ALOXE3: variants seen among roughly 807,000 people sequenced by gnomAD.
ALOXE3 encodes arachidonate epidermal lipoxygenase 3.
A neutral mutation model predicts 87.5 loss-of-function variants in ALOXE3; 78 were observed. The ratio of observed to expected loss-of-function variants is 0.89; its 90% CI spans 0.74 to 1.08. The LOEUF (loss-of-function observed/expected upper bound fraction) is 1.08. Among genes scored for constraint, ALOXE3 ranks in the 50% least tolerant of loss-of-function variants. The pLI is 0.00. For synonymous variants in ALOXE3, 363 were observed against 370.8 expected (o/e 0.98, Z 0.24); for missense variants, 946 against 912.4 (o/e 1.04, Z -0.47).
At chr17:8,103,732 G>A (rs565198979) in intron 14 of ALOXE3, among the ~76,000 whole-genome samples, 23 of 151,970 alleles carry the variant, frequency 1.5e-4, no homozygotes, top group South Asian at 4.2e-4. Context: ...GTCACTCCCC[G>A]CCCAGTGTTC....
At position 8,098,011 on chromosome 17, in the gene ALOXE3, T is replaced by G. The variant is rs189790011; in HGVS notation, c.1957-1205A>C. Among the ~76,000 whole-genome samples, 987 of 152,148 alleles carry G rather than the reference T, an allele frequency of 6.5e-3. 12 individuals carry two copies. The highest frequency in any genetic ancestry group is 0.022 in the African/African-American group (907 of 41,512). ...ATCTGCCCGCCTCGGCCTCCCAAAG[T>G]GCTGGGATTACAGATGTGAGCCACC... On this transcript the variant is annotated intron_variant, in intron 15 of 15. Transcript: ENST00000448843.
intron 12 of ALOXE3, 96 bp downstream of exon 12, chr17:8,109,078 A>T: frequency 6.5e-7 from 1 of 1,548,152 alleles, no homozygotes. Flanking sequence ...GGGTGTGAAA[A>T]CACCTGAAAT....
chr17:8,100,062 A>G (rs1187549989), intron 15 of ALOXE3, among the ~76,000 whole-genome samples: 1 of 149,950 alleles, frequency 6.7e-6, no homozygotes, highest in African/African-American at 2.4e-5. Context: ...TCTGGAGTTG[A>G]CCAGGCTTTT....
intron 13 of ALOXE3, among the ~76,000 whole-genome samples, chr17:8,107,858 A>G (rs1192771127): frequency 0.13 from 443 of 3,470 alleles, 46 homozygotes; most frequent in Admixed American, 0.19. Flanking sequence ...AGAAAGAAAG[A>G]AAGAAAGAAA....
rs373508321 is a variant in ALOXE3 at position 8,105,479 on chromosome 17, G to A, written c.1685-1264C>T. Among the ~76,000 whole-genome samples the A allele has an allele frequency of 2.6e-5, 4 of 152,278 alleles. 1 individual carries two copies. In the East Asian group the frequency reaches 7.7e-4, roughly 29 times the overall value. On this transcript the variant is annotated intron_variant, in intron 13 of 15. Coordinates refer to ENST00000448843, the MANE Select transcript of ALOXE3 (RefSeq NM_021628.3). The stretch of plus-strand genomic sequence containing the variant: ...TTCCTCTTAGCATTCATAACCACCT[G>A]ACATGTGTTTGTTGATTCTCTCTTT...
In ALOXE3 at chr17:8,115,656, G is replaced by A; in HGVS notation, c.385C>T (p.Leu129Phe). Residue 129 changes from leucine (L) to phenylalanine (F), a missense_variant, in exon 4 of 16, where the codon CTC becomes TTC. Leu to Phe is a conservative substitution (Grantham distance 22). Coordinates refer to ENST00000448843, the MANE Select transcript of ALOXE3 (RefSeq NM_021628.3). ...AGCTCCCGTGTCCTGTGATCCAGGA[G>A]GAGGGGAAGAGAGTCCTGACAAATA... is the stretch of plus-strand genomic sequence containing the variant. ...RTICQDSLPL[L>F]LDHRTRELRA... 1.2e-6 allele frequency: 2 copies of A among 1,613,950 alleles called. No homozygotes were observed. Among genetic ancestry groups the A allele is most frequent in the Non-Finnish European group, 8.5e-7 (1 of 1,179,824 alleles).
At chr17:8,097,747 C>CTTTT (rs60450170) in intron 15 of ALOXE3, among the ~76,000 whole-genome samples, 4 of 129,446 alleles carry the variant, frequency 3.1e-5, no homozygotes, top group African/African-American at 9.1e-5. Flanking sequence ...TACTACTGAT[C>CTTTT]TTTTTTTTTT....
chr17:8,118,627 C>A, upstream of ALOXE3: 1 of 1,536,386 alleles, frequency 6.5e-7, no homozygotes, highest in South Asian at 1.2e-5. Flanking sequence ...AGGAACAGCT[C>A]CCTGTCACCC....
At position 8,109,470 on chromosome 17, in the gene ALOXE3, A is replaced by G. The variant is rs557069937; in HGVS notation, c.1393-127T>C. The G allele has an allele frequency of 9.9e-6, 13 of 1,312,044 alleles. No individual in the cohort carries two copies. In the South Asian group the frequency reaches 1.7e-4, roughly 17 times the overall value. The allele number at this position is 1,312,044 out of a possible 1,614,324, so 81.3% of individuals were successfully genotyped here. A position where few individuals can be genotyped will look rare whatever the true frequency, so the allele number is the denominator to read the frequency against. On this transcript the variant is annotated intron_variant, in intron 11 of 15. Coordinates refer to ENST00000448843, the MANE Select transcript of ALOXE3 (RefSeq NM_021628.3). ...CGGTTCACCAAGCAATCCACGGATC[A>G]AATACCCACGAGGGCCTGCCTGACG...
chr17:8,100,090 C>T (rs2151829670), intron 15 of ALOXE3, among the ~76,000 whole-genome samples: 1 of 142,362 alleles, frequency 7.0e-6, no homozygotes, highest in South Asian at 2.3e-4. Flanking sequence ...CAACCTGACC[C>T]TGTCAAAAGA....
chr17:8,099,402 C>T (rs563946550), intron 15 of ALOXE3, among the ~76,000 whole-genome samples: 2 of 152,286 alleles, frequency 1.3e-5, no homozygotes, highest in East Asian at 3.9e-4. Flanking sequence ...AGGCTCACGC[C>T]TGTAATCCCA....
Position 8,103,534 on chromosome 17 carries a change from G to A in ALOXE3, c.1786-41C>T, listed in dbSNP as rs778651989. Reference sequence around the variant, plus strand: ...TCCCAGTTGGGTCAGTTGGCCAGAAGGGGAGTATCACCTCCCTCTTCACCA... The same window carrying A: ...TCCCAGTTGGGTCAGTTGGCCAGAAAGGGAGTATCACCTCCCTCTTCACCA... On this transcript the variant is annotated intron_variant, in intron 14 of 15. Transcript: ENST00000448843. The A allele has an allele frequency of 1.9e-6, 3 of 1,607,446 alleles. No individual in the cohort carries two copies. In the South Asian group the frequency reaches 3.3e-5, roughly 18 times the overall value.
intron 2 of ALOXE3, 138 bp from the exon 3 acceptor site, chr17:8,117,118 T>C: frequency 1.2e-6 from 1 of 821,486 alleles, no homozygotes; most frequent in South Asian, 1.7e-5. Flanking sequence ...CGGGCTTTTG[T>C]ATGAATTAGA....
At chr17:8,103,607 G>A (rs190949063) in intron 14 of ALOXE3, 114 bp from the exon 15 acceptor site, 61 of 1,184,102 alleles carry the variant, frequency 5.2e-5, no homozygotes, top group Non-Finnish European at 7.1e-5. Context: ...TGGGAAATGA[G>A]GGGATCACGG....
At chr17:8,099,726 G>A (rs948816888) in intron 15 of ALOXE3, among the ~76,000 whole-genome samples, 5 of 150,830 alleles carry the variant, frequency 3.3e-5, no homozygotes, top group Admixed American at 6.6e-5. Flanking sequence ...CATTCCTAAT[G>A]CTGTGTATTT....
At chr17:8,118,577 A>T, upstream of ALOXE3, 1 of 1,528,212 alleles carries the variant, frequency 6.5e-7, no homozygotes, top group Non-Finnish European at 8.8e-7. Flanking sequence ...AGCCACACGC[A>T]GGTGAGTCGC....
rs1315686159 is a variant in ALOXE3, at chr17:8,109,254, G to A, written c.1482C>T (p.Ser494=). ...TAGCCAGGACGCCGCGGGCCCGCAGGCTGTCCGGAAGGCAGAAATTGGTGT... is the reference window on the plus strand; with the variant it reads ...TAGCCAGGACGCCGCGGGCCCGCAGACTGTCCGGAAGGCAGAAATTGGTGT... ...FTYTNFCLPD[S]LRARGVLAIP... The change falls in exon 12 of 16, where the codon AGC becomes AGT. Residue 494 remains serine, a synonymous_variant. Transcript: ENST00000448843. The A allele has an allele frequency of 6.2e-7, 1 of 1,614,000 alleles. No homozygotes were observed. The highest frequency in any genetic ancestry group is 8.5e-7 in the Non-Finnish European group (1 of 1,180,058).
At chr17:8,109,828 GC>G in intron 11 of ALOXE3, 87 bp downstream of exon 11, 1 of 1,368,998 alleles carries the variant, frequency 7.3e-7, no homozygotes, top group Admixed American at 2.0e-5. Flanking sequence ...CTCACAAGGG[GC>G]TTGGGCGCAG....
At position 8,104,218 on chromosome 17, in the gene ALOXE3, G is replaced by C. The variant is rs373715601; in HGVS notation, c.1685-3C>G. On this transcript the variant is annotated splice_region_variant and splice_polypyrimidine_tract_variant and intron_variant, in intron 13 of 15. Transcript: ENST00000448843. ...GGTGCACAGCCGGCTTGGGAAACCT[G>C]GGTGTGGGGAGGAAGGGTAGAGGGT... The C allele has an allele frequency of 1.8e-5, 29 of 1,612,490 alleles. No homozygotes were observed. In the Admixed American group the frequency reaches 2.0e-4, roughly 11 times the overall value.
Sources: allele counts gnomAD v4.1 joint callset (sites outside exome capture counted in the v4.1 genomes callset), GRCh38; gene constraint gnomAD v4.1.1; transcripts MANE v1.5; gene names NCBI Gene and HGNC (gene_info 2026-07-23, HGNC 2026-07-21).